Variants in PEX5L observed in about 807,000 individuals in gnomAD.
PEX5L encodes the protein PEX5-related protein.
In PEX5L, 30 loss-of-function variants were observed where a neutral mutation model predicts 84.0. The observed-to-expected ratio is 0.36, with a 90% CI of 0.27 to 0.48. The LOEUF is 0.48. PEX5L is among the 20% of genes least tolerant of loss of function. The pLI is 0.99. For synonymous variants in PEX5L, 270 were observed against 283.1 expected (o/e 0.95, Z 0.46); for missense variants, 533 against 754.6 (o/e 0.71, Z 3.44).
intron 2 of PEX5L, among the ~76,000 whole-genome samples, chr3:179,935,256 T>C (rs1222366963): frequency 6.6e-6 from 1 of 152,184 alleles, no homozygotes; most frequent in East Asian, 1.9e-4. Flanking sequence ...GTACATGCAG[T>C]GTGACTTCAA....
chr3:179,905,277 C>CTT (rs35550522), intron 2 of PEX5L, among the ~76,000 whole-genome samples: 97 of 145,304 alleles, frequency 6.7e-4, no homozygotes, highest in East Asian at 4.5e-3. Context: ...AATCTGTGTC[C>CTT]TTTTTTTTTT....
At chr3:179,983,345 A>G (rs1284248223) in intron 1 of PEX5L, among the ~76,000 whole-genome samples, 1 of 152,072 alleles carries the variant, frequency 6.6e-6, no homozygotes, top group African/African-American at 2.4e-5. Context: ...AAGAAATCCT[A>G]GAAACCATCA....
chr3:179,886,328 T>G (rs999552489), intron 4 of PEX5L, among the ~76,000 whole-genome samples: 5 of 152,210 alleles, frequency 3.3e-5, no homozygotes, highest in African/African-American at 1.2e-4. Flanking sequence ...TACCTAGAAT[T>G]TGCCAAGTAC....
At chr3:180,033,518 A>C (rs2204095) in intron 1 of PEX5L, among the ~76,000 whole-genome samples, 55,020 of 152,080 alleles carry the variant, frequency 0.36, 12,034 homozygotes, top group African/African-American at 0.62. Flanking sequence ...AGGTTAAGAA[A>C]ACATTGAGAG....
chr3:179,987,328 C>A (rs1786949061), intron 1 of PEX5L, among the ~76,000 whole-genome samples: 1 of 151,466 alleles, frequency 6.6e-6, no homozygotes. Flanking sequence ...CTCCCTCTCC[C>A]CATTTAAAAG....
At chr3:179,986,653 T>G (rs895339756) in intron 1 of PEX5L, among the ~76,000 whole-genome samples, 1 of 152,034 alleles carries the variant, frequency 6.6e-6, no homozygotes, top group African/African-American at 2.4e-5. Context: ...CCGCCCGTCT[T>G]GGCCTCCCAA....
chr3:180,015,816 CT>C (rs899771582), intron 1 of PEX5L, among the ~76,000 whole-genome samples: 1 of 149,868 alleles, frequency 6.7e-6, no homozygotes, highest in African/African-American at 2.4e-5. Flanking sequence ...ATTTTCTTGA[CT>C]TTTGTCTTGA....
At chr3:179,807,912 G>T in intron 13 of PEX5L, 81 bp from the exon 14 acceptor site, 1 of 1,302,016 alleles carries the variant, frequency 7.7e-7, no homozygotes, top group Non-Finnish European at 1.1e-6. Context: ...TGCAGAGAAA[G>T]GAAGATGGCT....
chr3:179,852,007 T>C (rs970272841), intron 8 of PEX5L, among the ~76,000 whole-genome samples: 77 of 152,146 alleles, frequency 5.1e-4, no homozygotes, highest in Non-Finnish European at 1.9e-4. Flanking sequence ...AGTAGTGGAA[T>C]GGGACGAGGC....
intron 2 of PEX5L, among the ~76,000 whole-genome samples, chr3:179,965,766 A>G (rs1437324228): frequency 2.0e-5 from 3 of 152,224 alleles, no homozygotes; most frequent in Admixed American, 6.5e-5. Context: ...CAAGGAAAAT[A>G]CAAAGTAAGA....
intron 2 of PEX5L, among the ~76,000 whole-genome samples, chr3:179,917,709 G>C (rs546157061): frequency 6.6e-6 from 1 of 152,294 alleles, no homozygotes; most frequent in African/African-American, 2.4e-5. Context: ...GCCCAGGCTG[G>C]AGTGCAATGG....
Position 179,845,005 on chromosome 3 carries a change from C to CT in PEX5L, c.822+14056dup, listed in dbSNP as rs1358076967. ...CATACTTATTCTGTGAAAATTAAAT[C>CT]TTTTTTTCACATTTACGTTTAAAAA... On this transcript the variant is annotated intron_variant, in intron 8 of 14. Transcript: ENST00000467460. 2.0e-5 allele frequency among the ~76,000 whole-genome samples: 3 copies of CT among 152,116 alleles called. No individual in the cohort carries two copies. In the East Asian group the frequency reaches 5.8e-4, roughly 29 times the overall value.
chr3:179,869,802 C>T (rs1172202578), intron 7 of PEX5L, among the ~76,000 whole-genome samples: 3 of 152,192 alleles, frequency 2.0e-5, no homozygotes, highest in Admixed American at 6.5e-5. Context: ...CCCAGACTTG[C>T]TGGTTTAGGA....
intron 11 of PEX5L, 137 bp downstream of exon 11, chr3:179,811,664 A>T (rs1389231328): frequency 1.4e-6 from 1 of 696,780 alleles, no homozygotes; most frequent in African/African-American, 1.8e-5. Context: ...AGTGTGAGTG[A>T]TATGCGGTAT....
In PEX5L at chr3:180,009,312, G is replaced by A. The variant is rs540737984; in HGVS notation, c.21+27267C>T. Among the ~76,000 whole-genome samples the A allele has an allele frequency of 2.4e-4, 36 of 152,150 alleles. No individual in the cohort carries two copies. The South Asian group carries it at 7.1e-3, about 30-fold the overall frequency. ...AATATTTGGTTCTATCTTGTTACAC[G>A]TCCTCATAAGGCACAATAGAGTAAT... is the stretch of plus-strand genomic sequence containing the variant. On this transcript the variant is annotated intron_variant, in intron 1 of 14. Coordinates refer to ENST00000467460, the MANE Select transcript of PEX5L (RefSeq NM_016559.3).
chr3:179,850,787 T>G (rs896172063), intron 8 of PEX5L, among the ~76,000 whole-genome samples: 1 of 152,234 alleles, frequency 6.6e-6, no homozygotes, highest in Non-Finnish European at 1.5e-5. Flanking sequence ...TAAGTTAGAA[T>G]GGTTTAAGGA....
chr3:179,948,249 A>G lies in PEX5L; in HGVS notation c.93+23345T>C, dbSNP rs139252911. Among the ~76,000 whole-genome samples the G allele has an allele frequency of 5.9e-5, 9 of 152,346 alleles. No individual in the cohort carries two copies. In the East Asian group the frequency reaches 1.7e-3, roughly 29 times the overall value. On this transcript the variant is annotated intron_variant, in intron 2 of 14. Transcript: ENST00000467460. ...TACAGTATTTGCATTTGAGGCAGAT[A>G]TCCCCTAAAGTTATTAAATGATCAA...
At chr3:179,809,859 T>C (rs1723040908) in intron 11 of PEX5L, among the ~76,000 whole-genome samples, 191 bp from the exon 12 acceptor site, 1 of 152,114 alleles carries the variant, frequency 6.6e-6, no homozygotes, top group South Asian at 2.1e-4. Flanking sequence ...TTAAGAAAGT[T>C]AAAACTTACC....
At position 179,801,812 on chromosome 3, in the gene PEX5L, TG is replaced by T; in HGVS notation, c.*15del. The T allele has an allele frequency of 6.9e-7, 1 of 1,444,540 alleles. No homozygotes were observed. Among genetic ancestry groups the T allele is most frequent in the Non-Finnish European group, 9.8e-7 (1 of 1,024,894 alleles). The allele number at this position is 1,444,540 out of a possible 1,614,324, so 89.5% of individuals were successfully genotyped here. On this transcript the variant is annotated 3_prime_UTR_variant, in exon 15 of 15. Coordinates refer to ENST00000467460, the MANE Select transcript of PEX5L (RefSeq NM_016559.3). Reference sequence around the variant, plus strand: ...CACACAGATCAGGGATTATTAGTACTGGTATTATTCTTTCTTCAAGGATCCA... The same window carrying T: ...CACACAGATCAGGGATTATTAGTACTGTATTATTCTTTCTTCAAGGATCCA...
Sources: gnomAD v4.1 joint callset for allele counts (sites outside exome capture counted in the v4.1 genomes callset) on GRCh38, gnomAD v4.1.1 for gene constraint, MANE v1.5 for transcripts, NCBI Gene and HGNC (gene_info 2026-07-23, HGNC 2026-07-21) for gene names.